The following LNX1 variants were observed in gnomAD, a reference collection of about 807,000 sequenced individuals.
LNX1 encodes E3 ubiquitin-protein ligase LNX.
LNX1 carries 54 observed loss-of-function variants against 68.4 expected under a neutral mutation model. The ratio of observed to expected loss-of-function variants is 0.79; its 90% CI spans 0.63 to 0.99. The LOEUF (loss-of-function observed/expected upper bound fraction) is 0.99, where lower values mean the gene tolerates loss of function less well. Ranked by LOEUF, LNX1 falls within the 50% of genes least tolerant of loss-of-function variation. The pLI, the probability that LNX1 is intolerant of heterozygous loss-of-function variation, is 0.00. For missense variants in LNX1, 906 were observed against 926.4 expected (o/e 0.98, Z 0.29); for synonymous variants, 336 against 350.0 (o/e 0.96, Z 0.45).
intron 2 of LNX1, among the ~76,000 whole-genome samples, chr4:53,513,460 C>G (rs569648311): frequency 6.6e-6 from 1 of 152,202 alleles, no homozygotes; most frequent in East Asian, 1.9e-4. Context: ...GATCCCTAGA[C>G]TCATATCAAA....
At chr4:53,545,989 T>C (rs1387596298) in intron 2 of LNX1, among the ~76,000 whole-genome samples, 1 of 152,122 alleles carries the variant, frequency 6.6e-6, no homozygotes, top group East Asian at 1.9e-4. Flanking sequence ...GTATTTTTAG[T>C]AAAGACAGGG....
In LNX1 at chr4:53,510,326, T is replaced by C. The variant is rs149969546; in HGVS notation, c.381-2099A>G. On this transcript the variant is annotated intron_variant, in intron 2 of 10. Transcript: ENST00000263925. The stretch of plus-strand genomic sequence containing the variant: ...TTTTAAAATGTCATCTTCTTTGCTG[T>C]TATATGAACATACCTCTCATAGTCA... 4.0e-3 allele frequency among the ~76,000 whole-genome samples: 602 copies of C among 152,362 alleles called. 4 individuals carry two copies. Among genetic ancestry groups the C allele is most frequent in the African/African-American group, 0.014 (569 of 41,580 alleles).
intron 9 of LNX1, among the ~76,000 whole-genome samples, chr4:53,475,104 C>T (rs1723478851): frequency 6.6e-6 from 1 of 152,134 alleles, no homozygotes; most frequent in South Asian, 2.1e-4. Flanking sequence ...AGTGCCATGC[C>T]CAAGGGCAAA....
At chr4:53,564,801 C>T (rs1472276524) in intron 2 of LNX1, among the ~76,000 whole-genome samples, 1 of 152,178 alleles carries the variant, frequency 6.6e-6, no homozygotes, top group African/African-American at 2.4e-5. Context: ...CCTGCGCCAG[C>T]CGAAGCAGGG....
intron 1 of LNX1, among the ~76,000 whole-genome samples, chr4:53,626,534 C>T (rs962457251): frequency 6.6e-6 from 1 of 152,166 alleles, no homozygotes; most frequent in Non-Finnish European, 1.5e-5. Flanking sequence ...TAGTGTTAGG[C>T]ATAACAGCAT....
At chr4:53,553,376 C>T (rs1376165141) in intron 2 of LNX1, among the ~76,000 whole-genome samples, 1 of 152,046 alleles carries the variant, frequency 6.6e-6, no homozygotes, top group East Asian at 1.9e-4. Flanking sequence ...ATGGATGGGC[C>T]CCCTCTCCCA....
At chr4:53,469,748 G>A (rs1371832372) in intron 9 of LNX1, among the ~76,000 whole-genome samples, 2 of 152,128 alleles carry the variant, frequency 1.3e-5, no homozygotes, top group Non-Finnish European at 2.9e-5. Flanking sequence ...TAGAAGAAAT[G>A]GATAAATTCC....
chr4:53,507,885 C>G, intron 3 of LNX1, 101 bp downstream of exon 3: 1 of 1,442,274 alleles, frequency 6.9e-7, no homozygotes, highest in South Asian at 1.4e-5. Context: ...AGAACGATTT[C>G]CCCTTAAAAA....
intron 2 of LNX1, chr4:53,522,927 T>C (rs1433530146): frequency 3.3e-5 from 5 of 152,228 alleles, no homozygotes; most frequent in Non-Finnish European, 7.3e-5. Flanking sequence ...TATACTTCTG[T>C]ATGTTTATGA....
rs115031027 is a variant in LNX1, at chr4:53,554,357, C to A, written c.380+19266G>T. Among the ~76,000 whole-genome samples the A allele has an allele frequency of 1.1e-3, 161 of 152,316 alleles. 1 individual carries two copies. The highest frequency in any genetic ancestry group is 3.7e-3 in the African/African-American group (155 of 41,566). On this transcript the variant is annotated intron_variant, in intron 2 of 10. Coordinates refer to ENST00000263925, the MANE Select transcript of LNX1 (RefSeq NM_001126328.3). ...TCAATAGGTGTTTGGCCCAACATTACGAATTGGTTTGGCCAAGTCGTTATA... is the reference window on the plus strand; with the variant it reads ...TCAATAGGTGTTTGGCCCAACATTAAGAATTGGTTTGGCCAAGTCGTTATA...
chr4:53,539,924 G>A (rs1728632166), intron 2 of LNX1, among the ~76,000 whole-genome samples: 1 of 152,180 alleles, frequency 6.6e-6, no homozygotes, highest in African/African-American at 2.4e-5. Context: ...CCTTGCATGG[G>A]GCATCCATGG....
intron 2 of LNX1, among the ~76,000 whole-genome samples, chr4:53,519,526 T>C (rs1203050801): frequency 6.6e-6 from 1 of 151,814 alleles, no homozygotes; most frequent in African/African-American, 2.4e-5. Flanking sequence ...AGGCCCATCT[T>C]ATAGATGGGG....
At chr4:53,575,940 C>A in intron 1 of LNX1, 2 of 1,566,898 alleles carry the variant, frequency 1.3e-6, no homozygotes, top group Non-Finnish European at 1.7e-6. Context: ...TCAGCACCAA[C>A]CTGCCGCAGG....
Position 53,459,633 on chromosome 4 carries a change from T to C in LNX1, c.*1274A>G. 3 of 794,842 alleles carry C rather than the reference T, an allele frequency of 3.8e-6. No homozygotes were observed. The South Asian group carries it at 5.4e-5, about 14-fold the overall frequency. The allele number at this position is 794,842 out of a possible 1,614,324, so 49.2% of individuals were successfully genotyped here. A position where few individuals can be genotyped will look rare whatever the true frequency, so the allele number is the denominator to read the frequency against. On this transcript the variant is annotated 3_prime_UTR_variant, in exon 11 of 11. Transcript: ENST00000263925. Reference sequence around the variant, plus strand: ...TGTTAAGTTAAAAATCTTTGTCTTGTACTATTTCAAAAATAAAAAGACAGC... The same window carrying C: ...TGTTAAGTTAAAAATCTTTGTCTTGCACTATTTCAAAAATAAAAAGACAGC...
At chr4:53,598,235 A>ATT (rs34653341) in intron 2 of LNX1, among the ~76,000 whole-genome samples, 82 of 144,886 alleles carry the variant, frequency 5.7e-4, no homozygotes, top group East Asian at 8.1e-4. Flanking sequence ...ACTGACTGTG[A>ATT]TTTTTTTTTT....
intron 1 of LNX1, among the ~76,000 whole-genome samples, chr4:53,630,238 A>T (rs566630627): frequency 6.6e-6 from 1 of 152,272 alleles, no homozygotes; most frequent in South Asian, 2.1e-4. Context: ...AGAATTGGGT[A>T]TTTATACAGT....
rs1724720973 is a variant in LNX1, at chr4:53,492,038, C to T, written c.1350+3985G>A. The stretch of plus-strand genomic sequence containing the variant: ...CTGACCTCAGGTGACCCACCCGCCT[C>T]GGCCTCCCAAAATGCTGGGATTACA... On this transcript the variant is annotated intron_variant, in intron 6 of 10. Transcript: ENST00000263925. Among the ~76,000 whole-genome samples, 3 of 152,080 alleles carry T rather than the reference C, an allele frequency of 2.0e-5. No individual in the cohort carries two copies. In the South Asian group the frequency reaches 6.2e-4, roughly 32 times the overall value.
At chr4:53,504,159 T>C (rs1336863570) in intron 4 of LNX1, among the ~76,000 whole-genome samples, 1 of 152,170 alleles carries the variant, frequency 6.6e-6, no homozygotes, top group African/African-American at 2.4e-5. Context: ...GAAAATCTGC[T>C]TAGTGGAGCC....
At chr4:53,467,753 A>G (rs1012159181) in intron 9 of LNX1, among the ~76,000 whole-genome samples, 8 of 152,326 alleles carry the variant, frequency 5.3e-5, no homozygotes, top group Admixed American at 2.6e-4. Flanking sequence ...GATGGAAGAC[A>G]AAATGAATGA....
Sources: gnomAD v4.1 joint callset for allele counts (sites outside exome capture counted in the v4.1 genomes callset) on GRCh38, gnomAD v4.1.1 for gene constraint, MANE v1.5 for transcripts, NCBI Gene and HGNC (gene_info 2026-07-23, HGNC 2026-07-21) for gene names.